ARHGAP10: variants seen among roughly 807,000 people sequenced by gnomAD.
The protein encoded by ARHGAP10 is rho GTPase-activating protein 10.
ARHGAP10 carries 87 observed loss-of-function variants against 108.6 expected under a neutral mutation model. That is an observed-to-expected ratio of 0.80 (90% CI 0.67 to 0.96). The LOEUF (loss-of-function observed/expected upper bound fraction) is 0.96. ARHGAP10 is among the 40% of genes least tolerant of loss of function. The pLI is 0.00. For synonymous variants in ARHGAP10, 347 were observed against 341.1 expected, an observed-to-expected ratio of 1.02 and a Z score of -0.19; for missense variants, 939 against 954.5, an observed-to-expected ratio of 0.98 and a Z score of 0.21.
chr4:147,901,395 C>T (rs10030358), intron 10 of ARHGAP10, among the ~76,000 whole-genome samples: 24,147 of 152,162 alleles, frequency 0.16, 2,645 homozygotes, highest in East Asian at 0.32. Context: ...GTGAAGTGTT[C>T]TGAAGAATGT....
At chr4:147,767,732 A>G (rs1336168071) in intron 1 of ARHGAP10, among the ~76,000 whole-genome samples, 1 of 152,194 alleles carries the variant, frequency 6.6e-6, no homozygotes, top group Non-Finnish European at 1.5e-5. Context: ...CATACCTGAA[A>G]AAATAAAACA....
chr4:147,840,901 A>T (rs755247147), intron 3 of ARHGAP10, among the ~76,000 whole-genome samples: 1 of 152,360 alleles, frequency 6.6e-6, no homozygotes, highest in African/African-American at 2.4e-5. Context: ...AAAATACAAG[A>T]TAAGCGTAAG....
At chr4:147,941,108 A>T (rs1419787115) in intron 14 of ARHGAP10, among the ~76,000 whole-genome samples, 1 of 152,224 alleles carries the variant, frequency 6.6e-6, no homozygotes, top group Non-Finnish European at 1.5e-5. Context: ...TAATTTTAAA[A>T]TTGGAATCAC....
At chr4:147,789,568 G>A (rs1404420860) in intron 1 of ARHGAP10, among the ~76,000 whole-genome samples, 3 of 152,152 alleles carry the variant, frequency 2.0e-5, no homozygotes, top group Non-Finnish European at 2.9e-5. Context: ...CACCATGCCC[G>A]GCCCACATGT....
chr4:147,787,153 A>G lies in ARHGAP10; in HGVS notation c.155-35574A>G, dbSNP rs143557496. On this transcript the variant is annotated intron_variant, in intron 1 of 22. Coordinates refer to ENST00000336498, the MANE Select transcript of ARHGAP10 (RefSeq NM_024605.4). The stretch of plus-strand genomic sequence containing the variant: ...GAAGCTAGAAGATCAGGGTTGTCAC[A>G]TAATCGGGTGCTGGAGGCTTTAGAA... 3.5e-3 allele frequency among the ~76,000 whole-genome samples: 536 copies of G among 152,314 alleles called. 3 individuals are homozygous for G. Among genetic ancestry groups the G allele is most frequent in the South Asian group, 0.022 (106 of 4,832 alleles).
chr4:147,821,534 A>G (rs1732498198), intron 1 of ARHGAP10, among the ~76,000 whole-genome samples: 1 of 152,200 alleles, frequency 6.6e-6, no homozygotes, highest in African/African-American at 2.4e-5. Flanking sequence ...TGCAAACAGC[A>G]CGATAAACAT....
At chr4:147,886,191 C>A (rs1735548334) in intron 10 of ARHGAP10, among the ~76,000 whole-genome samples, 1 of 152,218 alleles carries the variant, frequency 6.6e-6, no homozygotes, top group African/African-American at 2.4e-5. Context: ...CAGAACCCTT[C>A]TCATTGCAAG....
chr4:147,825,167 G>T (rs760989306), intron 3 of ARHGAP10, among the ~76,000 whole-genome samples: 9 of 80,278 alleles, frequency 1.1e-4, no homozygotes, highest in Non-Finnish European at 2.2e-4. Flanking sequence ...GTGACAGAGG[G>T]CTGGGCGCAG....
At chr4:148,014,324 C>T (rs1741272816) in intron 18 of ARHGAP10, among the ~76,000 whole-genome samples, 1 of 152,168 alleles carries the variant, frequency 6.6e-6, no homozygotes, top group African/African-American at 2.4e-5. Flanking sequence ...CTTCTGACTT[C>T]AGAAATCGTA....
chr4:147,964,954 C>G (rs927618054), intron 16 of ARHGAP10, 70 bp from the exon 17 acceptor site: 20 of 1,040,518 alleles, frequency 1.9e-5, no homozygotes, highest in Non-Finnish European at 2.7e-5. Flanking sequence ...ATATTTGATT[C>G]TGAGTTCTCT....
intron 4 of ARHGAP10, chr4:147,854,687 A>G (rs991134165): frequency 7.1e-6 from 7 of 982,852 alleles, no homozygotes; most frequent in Non-Finnish European, 7.2e-6. Flanking sequence ...ACAAGAAATC[A>G]TATGAGCACA....
rs183821533 is a variant in ARHGAP10 at position 147,864,749 on chromosome 4, C to A, written c.487-97C>A. 3 of 946,204 alleles carry A rather than the reference C, an allele frequency of 3.2e-6. No individual in the cohort carries two copies. In the East Asian group the frequency reaches 7.8e-5, roughly 25 times the overall value. 58.6% of individuals were successfully genotyped at this position (946,204 alleles called of 1,614,324 possible). A position where few individuals can be genotyped will look rare whatever the true frequency, so the allele number is the denominator to read the frequency against. Reference sequence around the variant, plus strand: ...TTATTTACAAAATCAGGCAGCACACCGTATTTTGGCCCATGGACCACAGTG... The same window carrying A: ...TTATTTACAAAATCAGGCAGCACACAGTATTTTGGCCCATGGACCACAGTG... On this transcript the variant is annotated intron_variant, in intron 5 of 22. Transcript: ENST00000336498.
intron 13 of ARHGAP10, among the ~76,000 whole-genome samples, chr4:147,933,414 T>C: frequency 6.6e-6 from 1 of 152,124 alleles, no homozygotes; most frequent in East Asian, 1.9e-4. Context: ...TCGATGCTTG[T>C]GACAGTGTCT....
In ARHGAP10 at chr4:148,064,853, T is replaced by G. The variant is rs1379418500; in HGVS notation, c.2272+346T>G. On this transcript the variant is annotated intron_variant, in intron 22 of 22. Coordinates refer to ENST00000336498, the MANE Select transcript of ARHGAP10 (RefSeq NM_024605.4). ...CTTTATTTTCTTTGTTCTCCCAGAG[T>G]TGCTAACCAAGTCCTTTAAATGCTT... is the stretch of plus-strand genomic sequence containing the variant. Among the ~76,000 whole-genome samples the G allele has an allele frequency of 2.0e-5, 3 of 152,194 alleles. No individual in the cohort carries two copies. In the South Asian group the frequency reaches 6.2e-4, roughly 32 times the overall value.
chr4:147,840,409 G>T (rs1180663868), intron 3 of ARHGAP10, among the ~76,000 whole-genome samples: 1 of 151,814 alleles, frequency 6.6e-6, no homozygotes, highest in Non-Finnish European at 1.5e-5. Context: ...GAAACATCTA[G>T]TTTTTTTTAT....
At chr4:147,884,791 G>A (rs1236156427) in intron 10 of ARHGAP10, among the ~76,000 whole-genome samples, 11 of 152,244 alleles carry the variant, frequency 7.2e-5, no homozygotes, top group Non-Finnish European at 1.5e-4. Flanking sequence ...TAGTGCAAGA[G>A]CCAGAGAGAG....
Position 147,784,678 on chromosome 4 carries a change from T to TA in ARHGAP10, c.155-38046dup, listed in dbSNP as rs1560756505. ...ATTATAAAATATATATTATATATTATAAATATAAAATATATATTATAAAAT... is the reference window on the plus strand; with the variant it reads ...ATTATAAAATATATATTATATATTATAAAATATAAAATATATATTATAAAAT... On this transcript the variant is annotated intron_variant, in intron 1 of 22. Transcript: ENST00000336498. Among the ~76,000 whole-genome samples the TA allele has an allele frequency of 2.0e-3, 112 of 54,746 alleles. 24 individuals carry two copies. The highest frequency in any genetic ancestry group is 3.2e-3 in the African/African-American group (60 of 18,990). The allele number at this position is 54,746 out of a possible 152,430, so 35.9% of individuals were successfully genotyped here.
Position 148,072,580 on chromosome 4 carries a change from CAG to C in ARHGAP10, c.*502_*503del, listed in dbSNP as rs1243499321. 6.5e-6 allele frequency: 1 copy of C among 152,708 alleles called. No homozygotes were observed. Among genetic ancestry groups the C allele is most frequent in the African/African-American group, 2.4e-5 (1 of 41,460 alleles). 9.5% of individuals were successfully genotyped at this position (152,708 alleles called of 1,614,324 possible). A position where few individuals can be genotyped will look rare whatever the true frequency, so the allele number is the denominator to read the frequency against. On this transcript the variant is annotated 3_prime_UTR_variant, in exon 23 of 23. Coordinates refer to ENST00000336498, the MANE Select transcript of ARHGAP10 (RefSeq NM_024605.4). ...TGGTGCAAGGGAGATGGTCTCAAGT[CAG>C]AGGGAAGCAGAGACGCGCGTCTCAA...
chr4:147,999,013 T>G (rs1214786643), intron 18 of ARHGAP10, among the ~76,000 whole-genome samples: 2 of 152,168 alleles, frequency 1.3e-5, no homozygotes, highest in Non-Finnish European at 2.9e-5. Flanking sequence ...GATATGATTG[T>G]GTACATAGAG....
Sources: allele counts gnomAD v4.1 joint callset (sites outside exome capture counted in the v4.1 genomes callset), GRCh38; gene constraint gnomAD v4.1.1; transcripts MANE v1.5; gene names NCBI Gene and HGNC (gene_info 2026-07-23, HGNC 2026-07-21).